The following METTL14 variants were observed in gnomAD, a reference collection of about 807,000 sequenced individuals.
The protein encoded by METTL14 is methyltransferase 14, N6-adenosine-methyltransferase non-catalytic subunit, also known as N(6)-adenosine-methyltransferase non-catalytic subunit METTL14.
A neutral mutation model predicts 62.4 loss-of-function variants in METTL14; 32 were observed. That is an observed-to-expected ratio of 0.51 (90% CI 0.39 to 0.69). METTL14 has a LOEUF of 0.69. Among genes scored for constraint, METTL14 ranks in the 30% least tolerant of loss-of-function variants. METTL14 has a pLI of 0.00. For missense variants in METTL14, 340 were observed against 551.9 expected (o/e 0.62, Z 3.85); for synonymous variants, 150 against 180.0 (o/e 0.83, Z 1.34).
chr4:118,702,095 G>A (rs1035282137), intron 8 of METTL14, among the ~76,000 whole-genome samples: 5 of 150,220 alleles, frequency 3.3e-5, no homozygotes, highest in Non-Finnish European at 7.4e-5. Context: ...AAATTAGATT[G>A]AAAATGATTA....
chr4:118,706,537 A>G lies in METTL14; in HGVS notation c.1066+716A>G, dbSNP rs915903114. On this transcript the variant is annotated intron_variant, in intron 10 of 10. Coordinates refer to ENST00000388822, the MANE Select transcript of METTL14 (RefSeq NM_020961.4). The stretch of plus-strand genomic sequence containing the variant: ...TTTTGGCAATTATGAATAAGCTACA[A>G]TGGAAATCTGTGTACAGGTTTTTGT... Among the ~76,000 whole-genome samples, 18 of 152,232 alleles carry G rather than the reference A, an allele frequency of 1.2e-4. 1 individual carries two copies. Among genetic ancestry groups the G allele is most frequent in the South Asian group, 8.3e-4 (4 of 4,836 alleles).
chr4:118,712,863 A>G lies in METTL14; in HGVS notation c.*2561A>G, dbSNP rs1015465103. ...CAGAGGATGGGGATTAGGAGGCCCAAAGTACTGATTGAGTAGGAATACTTT... is the reference window on the plus strand; with the variant it reads ...CAGAGGATGGGGATTAGGAGGCCCAGAGTACTGATTGAGTAGGAATACTTT... On this transcript the variant is annotated 3_prime_UTR_variant, in exon 11 of 11. Coordinates refer to ENST00000388822, the MANE Select transcript of METTL14 (RefSeq NM_020961.4). 1 of 152,130 alleles carries G rather than the reference A, an allele frequency of 6.6e-6. No homozygotes were observed. The highest frequency in any genetic ancestry group is 2.4e-5 in the African/African-American group (1 of 41,414). 9.4% of individuals were successfully genotyped at this position (152,130 alleles called of 1,614,324 possible).
intron 1 of METTL14, among the ~76,000 whole-genome samples, chr4:118,685,933 G>T (rs188311148): frequency 1.2e-4 from 18 of 152,166 alleles, no homozygotes; most frequent in African/African-American, 4.1e-4. Flanking sequence ...CTATTAAATG[G>T]TCATCTATTT....
In METTL14 at chr4:118,690,628, T is replaced by C. The variant is rs918627011; in HGVS notation, c.244-904T>C. 2.7e-5 allele frequency among the ~76,000 whole-genome samples: 4 copies of C among 148,266 alleles called. No individual in the cohort carries two copies. In the South Asian group the frequency reaches 6.4e-4, roughly 24 times the overall value. ...CTGGGAGGCAGAGGTTGCAGTGAGC[T>C]GAGACCATGCCACTGCACTCCAGCC... On this transcript the variant is annotated intron_variant, in intron 3 of 10. Coordinates refer to ENST00000388822, the MANE Select transcript of METTL14 (RefSeq NM_020961.4).
chr4:118,692,597 T>A (rs1321384326), intron 5 of METTL14, among the ~76,000 whole-genome samples: 1 of 152,150 alleles, frequency 6.6e-6, no homozygotes, highest in Admixed American at 6.5e-5. Context: ...ATAATCGATA[T>A]TACTATTTTT....
intron 3 of METTL14, among the ~76,000 whole-genome samples, chr4:118,691,324 ATTAT>A (rs770484070): frequency 1.2e-4 from 19 of 152,184 alleles, no homozygotes; most frequent in Admixed American, 3.3e-4. Flanking sequence ...AGTTACAGTA[ATTAT>A]TTATGATAGG....
intron 7 of METTL14, 25 bp downstream of exon 7, chr4:118,697,348 A>G (rs1042170080): frequency 3.4e-5 from 53 of 1,560,334 alleles, no homozygotes; most frequent in Non-Finnish European, 4.5e-5. Context: ...TCTACATTGT[A>G]ATGAATTATT....
chr4:118,689,146 T>G (rs1164118347), intron 2 of METTL14, among the ~76,000 whole-genome samples: 1 of 152,196 alleles, frequency 6.6e-6, no homozygotes, highest in African/African-American at 2.4e-5. Context: ...ATATCCCTTA[T>G]AGCAGCTTAT....
intron 5 of METTL14, among the ~76,000 whole-genome samples, chr4:118,692,359 G>A (rs986267359): frequency 6.6e-6 from 1 of 151,510 alleles, no homozygotes; most frequent in African/African-American, 2.4e-5. Flanking sequence ...CTCCCAAGTA[G>A]CTGGGATTAC....
intron 3 of METTL14, among the ~76,000 whole-genome samples, chr4:118,690,071 C>T (rs1724199515): frequency 8.9e-6 from 1 of 112,896 alleles, no homozygotes; most frequent in African/African-American, 3.3e-5. Flanking sequence ...GACAGAGTCT[C>T]ACTCTGTCGC....
chr4:118,690,935 A>G (rs1323280769), intron 3 of METTL14, among the ~76,000 whole-genome samples: 1 of 152,198 alleles, frequency 6.6e-6, no homozygotes, highest in Non-Finnish European at 1.5e-5. Context: ...AGTTGAAAGT[A>G]TTATGGTCCA....
chr4:118,703,443 T>G (rs574873370), intron 8 of METTL14, among the ~76,000 whole-genome samples: 16 of 152,350 alleles, frequency 1.1e-4, no homozygotes, highest in African/African-American at 3.8e-4. Context: ...ATTTTAAGTT[T>G]GAACATTTTT....
chr4:118,698,122 G>A (rs980062432), intron 7 of METTL14, among the ~76,000 whole-genome samples: 6 of 152,066 alleles, frequency 3.9e-5, no homozygotes, highest in Admixed American at 3.9e-4. Flanking sequence ...AAAAAGGTCA[G>A]ATTGGTGTTT....
At chr4:118,695,432 C>G (rs1184730777) in intron 6 of METTL14, among the ~76,000 whole-genome samples, 1 of 151,846 alleles carries the variant, frequency 6.6e-6, no homozygotes, top group Non-Finnish European at 1.5e-5. Context: ...GCCTGTAATC[C>G]CAGCTACTCG....
rs1376319246 is a variant in METTL14, at chr4:118,711,191, A to G, written c.*889A>G. 1.3e-5 allele frequency: 2 copies of G among 152,256 alleles called. No individual in the cohort carries two copies. The highest frequency in any genetic ancestry group is 2.9e-5 in the Non-Finnish European group (2 of 68,040). 9.4% of individuals were successfully genotyped at this position (152,256 alleles called of 1,614,324 possible). ...ACACCTTTAAACTTGTTATGGAGAT[A>G]GTTTAATGTAAAACCAACTACGGAA... On this transcript the variant is annotated 3_prime_UTR_variant, in exon 11 of 11. Coordinates refer to ENST00000388822, the MANE Select transcript of METTL14 (RefSeq NM_020961.4).
rs192642451 is a variant in METTL14, at chr4:118,701,698, T to C, written c.738+1056T>C. On this transcript the variant is annotated intron_variant, in intron 8 of 10. Transcript: ENST00000388822. ...GTTGACACTTCGTTTTTATGACATA[T>C]TATTTATTATACACCAAACTATCTC... Among the ~76,000 whole-genome samples the C allele has an allele frequency of 6.5e-3, 983 of 152,280 alleles. 10 individuals carry two copies. The highest frequency in any genetic ancestry group is 9.2e-3 in the Admixed American group (140 of 15,290).
chr4:118,702,861 C>CT (rs752736767), intron 8 of METTL14, among the ~76,000 whole-genome samples: 2 of 148,926 alleles, frequency 1.3e-5, no homozygotes, highest in African/African-American at 4.9e-5. Flanking sequence ...GTTTTATACT[C>CT]TATCTTTTTT....
chr4:118,708,444 A>G (rs968490888), intron 10 of METTL14, among the ~76,000 whole-genome samples: 16 of 152,244 alleles, frequency 1.1e-4, no homozygotes, highest in African/African-American at 3.4e-4. Context: ...TAAAAATCTC[A>G]TAGGTTTAAT....
At chr4:118,688,769 G>A (rs1724154061) in intron 2 of METTL14, among the ~76,000 whole-genome samples, 1 of 152,232 alleles carries the variant, frequency 6.6e-6, no homozygotes, top group East Asian at 1.9e-4. Context: ...CGCCTCCAGG[G>A]TTGAAGCAAT....
Sources: allele counts gnomAD v4.1 joint callset (sites outside exome capture counted in the v4.1 genomes callset), GRCh38; gene constraint gnomAD v4.1.1; transcripts MANE v1.5; gene names NCBI Gene and HGNC (gene_info 2026-07-23, HGNC 2026-07-21).